UGT1A4: variants seen among roughly 807,000 people sequenced by gnomAD.
The protein encoded by UGT1A4 is UDP-glucuronosyltransferase 1A4.
In UGT1A4, 32 loss-of-function variants were observed where a neutral mutation model predicts 41.1. That is an observed-to-expected ratio of 0.78 (90% confidence interval 0.59 to 1.05). The LOEUF (loss-of-function observed/expected upper bound fraction) is 1.05, where lower values mean the gene tolerates loss of function less well. Among genes scored for constraint, UGT1A4 ranks in the 50% least tolerant of loss-of-function variants. The probability of loss-of-function intolerance (pLI) is 0.00; values close to 1 mark genes in which losing one functional copy is unlikely to be tolerated. For missense variants in UGT1A4, 748 were observed against 677.4 expected (o/e 1.10, Z -1.16); for synonymous variants, 283 against 265.1 (o/e 1.07, Z -0.66).
chr2:233,757,244 TG>T (rs1006811310), intron 1 of UGT1A4, among the ~76,000 whole-genome samples: 12 of 99,552 alleles, frequency 1.2e-4, no homozygotes, highest in African/African-American at 4.8e-4. Context: ...GGTGGTGAGG[TG>T]GGGTTATTCA....
In UGT1A4 at chr2:233,766,922, G is replaced by A. The variant is rs955173337; in HGVS notation, c.868-112G>A. The A allele has an allele frequency of 8.3e-6, 13 of 1,559,654 alleles. No individual in the cohort carries two copies. The Middle Eastern group carries it at 1.0e-3, about 123-fold the overall frequency. On this transcript the variant is annotated intron_variant, in intron 1 of 4. Transcript: ENST00000373409. ...TAATTTTTTACTCTATCTCAAACAC[G>A]CATGCCTTTAATCATAGTCTTAAGA...
In UGT1A4 at chr2:233,767,150, C is replaced by A. The variant is rs1699320624; in HGVS notation, c.984C>A (p.Gly328=). 4 of 1,613,942 alleles carry A rather than the reference C, an allele frequency of 2.5e-6. No individual in the cohort carries two copies. The highest frequency in any genetic ancestry group is 1.6e-4 in the Middle Eastern group (1 of 6,082). Residue 328 remains glycine (G), a synonymous_variant, in exon 2 of 5, where the codon GGC becomes GGA. Coordinates refer to ENST00000373409, the MANE Select transcript of UGT1A4 (RefSeq NM_007120.3). The part of the protein sequence containing the change: ...KKAMAIADAL[G]KIPQTVLWRY... ...CTATGGCAATTGCTGATGCTTTGGG[C>A]AAAATCCCTCAGACAGTAAGAAGAT...
Position 233,773,040 on chromosome 2 carries a change from C to T in UGT1A4, c.*481C>T, listed in dbSNP as rs1347868003. On this transcript the variant is annotated 3_prime_UTR_variant, in exon 5 of 5. Coordinates refer to ENST00000373409, the MANE Select transcript of UGT1A4 (RefSeq NM_007120.3). ...ACCTTGTGTGTTTAAAGAAGGGAAGCTTTGTACCTTTAGAGTGTAGGTGAA... is the reference window on the plus strand; with the variant it reads ...ACCTTGTGTGTTTAAAGAAGGGAAGTTTTGTACCTTTAGAGTGTAGGTGAA... The T allele has an allele frequency of 5.1e-6, 1 of 194,624 alleles. No individual in the cohort carries two copies. Among genetic ancestry groups the T allele is most frequent in the Non-Finnish European group, 1.1e-5 (1 of 93,038 alleles). 12.1% of individuals were successfully genotyped at this position (194,624 alleles called of 1,614,324 possible).
At chr2:233,748,600 T>C (rs1186894741) in intron 1 of UGT1A4, among the ~76,000 whole-genome samples, 2 of 151,760 alleles carry the variant, frequency 1.3e-5, no homozygotes, top group African/African-American at 4.9e-5. Flanking sequence ...TCAGTGGAAG[T>C]AGAGCAACGA....
chr2:233,731,478 G>T lies in UGT1A4; in HGVS notation c.867+11791G>T, dbSNP rs546247495. 7.2e-5 allele frequency among the ~76,000 whole-genome samples: 11 copies of T among 152,100 alleles called. No individual in the cohort carries two copies. In the East Asian group the frequency reaches 2.1e-3, roughly 29 times the overall value. On this transcript the variant is annotated intron_variant, in intron 1 of 4. Transcript: ENST00000373409. ...AGGCCCTGGCGTGTGATGTTCCCTG[G>T]CCTGTGTCCAGTGTTCTTGCTGTTC... is the stretch of plus-strand genomic sequence containing the variant.
At chr2:233,736,939 G>A (rs2078828567) in intron 1 of UGT1A4, among the ~76,000 whole-genome samples, 1 of 152,164 alleles carries the variant, frequency 6.6e-6, no homozygotes. Context: ...CCACCTATAT[G>A]AGGTGTCTGT....
chr2:233,734,138 TG>T (rs2078490713), intron 1 of UGT1A4, among the ~76,000 whole-genome samples: 1 of 152,142 alleles, frequency 6.6e-6, no homozygotes, highest in Non-Finnish European at 1.5e-5. Flanking sequence ...AATTTGGCTG[TG>T]AATCCATCTG....
intron 1 of UGT1A4, 129 bp downstream of exon 1, chr2:233,719,816 T>A: frequency 6.3e-7 from 1 of 1,580,710 alleles, no homozygotes; most frequent in Non-Finnish European, 8.6e-7. Context: ...TTATAACAGA[T>A]AAACTGTTGA....
At chr2:233,754,118 A>C (rs562649705) in intron 1 of UGT1A4, among the ~76,000 whole-genome samples, 4 of 152,236 alleles carry the variant, frequency 2.6e-5, no homozygotes, top group Non-Finnish European at 5.9e-5. Flanking sequence ...CATCACGAGC[A>C]TTTATGTGCA....
intron 1 of UGT1A4, among the ~76,000 whole-genome samples, chr2:233,726,860 T>G (rs1392432205): frequency 6.6e-6 from 1 of 152,244 alleles, no homozygotes; most frequent in East Asian, 1.9e-4. Context: ...CTCCATAGTC[T>G]TCTATTCTCC....
At chr2:233,729,485 T>C in intron 1 of UGT1A4, 1 of 1,614,232 alleles carries the variant, frequency 6.2e-7, no homozygotes, top group Non-Finnish European at 8.5e-7. Context: ...TTGAACAATA[T>C]GTCTTTGGTC....
At chr2:233,721,319 C>T (rs1043522637) in intron 1 of UGT1A4, among the ~76,000 whole-genome samples, 9 of 152,144 alleles carry the variant, frequency 5.9e-5, no homozygotes, top group African/African-American at 2.2e-4. Flanking sequence ...TGGCTCTTTT[C>T]TTGTGGTTTT....
At chr2:233,767,454 G>A (rs1699397027) in intron 2 of UGT1A4, among the ~76,000 whole-genome samples, 1 of 152,122 alleles carries the variant, frequency 6.6e-6, no homozygotes, top group South Asian at 2.1e-4. Context: ...TAAAATAAAT[G>A]GGATATTGTT....
chr2:233,724,371 C>T (rs1285685419), intron 1 of UGT1A4, among the ~76,000 whole-genome samples: 4 of 147,620 alleles, frequency 2.7e-5, no homozygotes, highest in African/African-American at 1.0e-4. Flanking sequence ...GACGGGGTGG[C>T]TGCCGGGCGG....
chr2:233,748,596 G>C (rs905519077), intron 1 of UGT1A4, among the ~76,000 whole-genome samples: 5 of 151,812 alleles, frequency 3.3e-5, no homozygotes, highest in African/African-American at 1.2e-4. Flanking sequence ...CAGTTCAGTG[G>C]AAGTAGAGCA....
chr2:233,755,023 AG>A (rs1475271740), intron 1 of UGT1A4: 1 of 1,305,718 alleles, frequency 7.7e-7, no homozygotes, highest in African/African-American at 1.5e-5. Context: ...GGGTCCTTGA[AG>A]GGCCTGCCGC....
chr2:233,767,603 A>G (rs1699427666), intron 2 of UGT1A4, among the ~76,000 whole-genome samples: 1 of 152,166 alleles, frequency 6.6e-6, no homozygotes, highest in African/African-American at 2.4e-5. Context: ...GGAAAGTGAA[A>G]AAATCCTAAG....
At chr2:233,759,537 C>T (rs1642121675) in intron 1 of UGT1A4, among the ~76,000 whole-genome samples, 1 of 152,180 alleles carries the variant, frequency 6.6e-6, no homozygotes, top group South Asian at 2.1e-4. Context: ...CTTCTGTTCA[C>T]ATGCGCTCCA....
intron 1 of UGT1A4, among the ~76,000 whole-genome samples, chr2:233,746,138 G>C (rs1315448671): frequency 6.6e-6 from 1 of 151,886 alleles, no homozygotes; most frequent in African/African-American, 2.4e-5. Context: ...ACTGGCACCT[G>C]AGTGATAGCA....
Sources: allele counts gnomAD v4.1 joint callset (sites outside exome capture counted in the v4.1 genomes callset), GRCh38; gene constraint gnomAD v4.1.1; transcripts MANE v1.5; gene names NCBI Gene and HGNC (gene_info 2026-07-23, HGNC 2026-07-21).